MTUS2: variants seen among roughly 807,000 people sequenced by gnomAD.
MTUS2 encodes microtubule associated scaffold protein 2, also known as microtubule-associated tumor suppressor candidate 2.
A neutral mutation model predicts 114.1 loss-of-function variants in MTUS2; 40 were observed. The observed-to-expected ratio is 0.35, with a 90% CI of 0.27 to 0.46. The LOEUF (loss-of-function observed/expected upper bound fraction) is 0.46. MTUS2 is among the 20% of genes least tolerant of loss of function. The pLI, the probability that MTUS2 is intolerant of heterozygous loss-of-function variation, is 1.00. For synonymous variants in MTUS2, 688 were observed against 672.0 expected (o/e 1.02, Z -0.37); for missense variants, 1,679 against 1,705.4 (o/e 0.98, Z 0.27).
chr13:29,031,032 T>C (rs1886789729), intron 3 of MTUS2, among the ~76,000 whole-genome samples: 1 of 152,046 alleles, frequency 6.6e-6, no homozygotes. Context: ...GGACACTCCC[T>C]CCCTCCAACA....
At chr13:29,057,186 A>G (rs2138628557) in intron 4 of MTUS2, among the ~76,000 whole-genome samples, 1 of 152,094 alleles carries the variant, frequency 6.6e-6, no homozygotes, top group Admixed American at 6.6e-5. Context: ...TTTGGTTTTT[A>G]AAAATTTGCT....
chr13:29,121,690 C>T (rs923495425), intron 5 of MTUS2, among the ~76,000 whole-genome samples: 6 of 149,696 alleles, frequency 4.0e-5, no homozygotes, highest in Non-Finnish European at 8.9e-5. Context: ...GAGCTTTGCT[C>T]TTGTTACCCT....
intron 8 of MTUS2, among the ~76,000 whole-genome samples, chr13:29,436,987 G>A (rs149928235): frequency 1.1e-3 from 175 of 152,214 alleles, no homozygotes; most frequent in African/African-American, 3.9e-3. Flanking sequence ...CATAGTCAGC[G>A]CCATACCGAA....
At chr13:28,940,294 A>G (rs1297384953) in intron 2 of MTUS2, among the ~76,000 whole-genome samples, 1 of 152,220 alleles carries the variant, frequency 6.6e-6, no homozygotes, top group Non-Finnish European at 1.5e-5. Context: ...ATAAAAAGGA[A>G]TTAGGTACTG....
intron 8 of MTUS2, among the ~76,000 whole-genome samples, chr13:29,385,058 T>C (rs913125769): frequency 6.6e-6 from 1 of 152,204 alleles, no homozygotes; most frequent in Non-Finnish European, 1.5e-5. Context: ...GCCACTCTGC[T>C]GGGCTCCAGA....
At chr13:29,495,586 G>A (rs991784409) in intron 12 of MTUS2, among the ~76,000 whole-genome samples, 3 of 152,006 alleles carry the variant, frequency 2.0e-5, no homozygotes, top group African/African-American at 7.3e-5. Context: ...AAAGTTCATG[G>A]GAGGCTAGGA....
intron 2 of MTUS2, among the ~76,000 whole-genome samples, chr13:28,907,707 CCT>C (rs1880127886): frequency 6.6e-6 from 1 of 151,562 alleles, no homozygotes; most frequent in African/African-American, 2.4e-5. Context: ...AGCTAACTAT[CCT>C]AAATATATAT....
chr13:29,229,956 C>T (rs1896258828), intron 5 of MTUS2, among the ~76,000 whole-genome samples: 1 of 152,064 alleles, frequency 6.6e-6, no homozygotes, highest in African/African-American at 2.4e-5. Context: ...TAAAAATTAC[C>T]AAGTATTGGG....
chr13:29,209,680 T>A (rs1419451486), intron 5 of MTUS2, among the ~76,000 whole-genome samples: 1 of 152,194 alleles, frequency 6.6e-6, no homozygotes, highest in African/African-American at 2.4e-5. Flanking sequence ...CTTTCTTTCA[T>A]TTATGAAGCT....
At chr13:29,082,375 T>C (rs1889482827) in intron 4 of MTUS2, among the ~76,000 whole-genome samples, 1 of 152,140 alleles carries the variant, frequency 6.6e-6, no homozygotes, top group African/African-American at 2.4e-5. Context: ...GATTAGGGGA[T>C]GAAAAGTAGC....
chr13:29,401,789 G>A (rs897585006), intron 8 of MTUS2, among the ~76,000 whole-genome samples: 8 of 152,030 alleles, frequency 5.3e-5, no homozygotes, highest in African/African-American at 1.9e-4. Context: ...TTTGCTCCTC[G>A]CCATTGTTAT....
chr13:29,240,709 A>C lies in MTUS2; in HGVS notation c.2645-40995A>C, dbSNP rs368051908. ...GTAATCTCATATGATTAAAATTTCTAAACAGTGGAACCCTGATTGTGGGAT... is the reference window on the plus strand; with the variant it reads ...GTAATCTCATATGATTAAAATTTCTCAACAGTGGAACCCTGATTGTGGGAT... On this transcript the variant is annotated intron_variant, in intron 5 of 15. Transcript: ENST00000612955. 1.5e-4 allele frequency among the ~76,000 whole-genome samples: 23 copies of C among 152,314 alleles called. 1 individual carries two copies. The South Asian group carries it at 1.9e-3, about 12-fold the overall frequency.
chr13:29,475,015 A>G (rs1447882023), intron 9 of MTUS2, among the ~76,000 whole-genome samples: 1 of 152,224 alleles, frequency 6.6e-6, no homozygotes, highest in Non-Finnish European at 1.5e-5. Context: ...ATAAATGATT[A>G]GCATTTTTCT....
At chr13:29,300,277 G>T (rs1899141415) in intron 6 of MTUS2, among the ~76,000 whole-genome samples, 1 of 152,104 alleles carries the variant, frequency 6.6e-6, no homozygotes, top group Non-Finnish European at 1.5e-5. Flanking sequence ...ACCTTTTGTG[G>T]ATGCTCTTCA....
chr13:29,069,535 A>G (rs1210426473), intron 4 of MTUS2, among the ~76,000 whole-genome samples: 1 of 152,228 alleles, frequency 6.6e-6, no homozygotes, highest in Non-Finnish European at 1.5e-5. Context: ...ACCCTCACAG[A>G]CACACCAGAA....
At chr13:29,022,477 A>C (rs1886333479) in intron 2 of MTUS2, among the ~76,000 whole-genome samples, 1 of 152,234 alleles carries the variant, frequency 6.6e-6, no homozygotes, top group Non-Finnish European at 1.5e-5. Flanking sequence ...GGTGTGAGCT[A>C]CTGTGTCCAG....
At chr13:29,069,077 G>A (rs1702942919) in intron 4 of MTUS2, among the ~76,000 whole-genome samples, 1 of 152,148 alleles carries the variant, frequency 6.6e-6, no homozygotes, top group Admixed American at 6.5e-5. Flanking sequence ...GTAGGGGATG[G>A]AGAGAAGTAG....
intron 2 of MTUS2, among the ~76,000 whole-genome samples, chr13:28,963,878 C>G (rs148529252): frequency 1.3e-5 from 2 of 152,308 alleles, no homozygotes; most frequent in Non-Finnish European, 2.9e-5. Flanking sequence ...TTGAAATGCT[C>G]TTTCCCATCT....
At chr13:29,000,656 G>C (rs529190557) in intron 2 of MTUS2, among the ~76,000 whole-genome samples, 2 of 152,282 alleles carry the variant, frequency 1.3e-5, no homozygotes, top group East Asian at 3.9e-4. Context: ...ATAAGCCACT[G>C]TGCCTGGCCG....
Sources: allele counts gnomAD v4.1 joint callset (sites outside exome capture counted in the v4.1 genomes callset), GRCh38; gene constraint gnomAD v4.1.1; transcripts MANE v1.5; gene names NCBI Gene and HGNC (gene_info 2026-07-23, HGNC 2026-07-21).